SLC4A4: variants seen among roughly 807,000 people sequenced by gnomAD.
SLC4A4 encodes electrogenic sodium bicarbonate cotransporter 1.
Under a neutral mutation model 111.5 loss-of-function variants are expected in SLC4A4, and 27 were observed. The observed-to-expected ratio is 0.24, with a 90% CI of 0.18 to 0.33. The LOEUF (loss-of-function observed/expected upper bound fraction) is 0.33, where lower values mean the gene tolerates loss of function less well. SLC4A4 is among the 10% of genes least tolerant of loss of function. SLC4A4 has a pLI of 1.00. For missense variants in SLC4A4, 909 were observed against 1,315.5 expected, an observed-to-expected ratio of 0.69 and a Z score of 4.78; for synonymous variants, 443 against 463.4, an observed-to-expected ratio of 0.96 and a Z score of 0.57.
chr4:71,446,225 A>G (rs1377021787), intron 8 of SLC4A4, among the ~76,000 whole-genome samples: 2 of 152,174 alleles, frequency 1.3e-5, no homozygotes, highest in Non-Finnish European at 2.9e-5. Flanking sequence ...TTTGGAACAG[A>G]CCCAAACATT....
intron 18 of SLC4A4, among the ~76,000 whole-genome samples, chr4:71,535,805 G>A (rs146461744): frequency 1.2e-3 from 189 of 152,082 alleles, no homozygotes; most frequent in African/African-American, 4.1e-3. Context: ...AGTTCATAAA[G>A]CACGAAAACA....
chr4:71,225,221 G>A lies in SLC4A4; in HGVS notation c.-1-11355G>A, dbSNP rs755203279. Among the ~76,000 whole-genome samples, 5 of 151,978 alleles carry A rather than the reference G, an allele frequency of 3.3e-5. No homozygotes were observed. In the South Asian group the frequency reaches 6.2e-4, roughly 19 times the overall value. ...ACACAAGTTAGCTGGGCATGGTGGC[G>A]CATGCCTGTAATCCCAGCTACTTGG... On this transcript the variant is annotated intron_variant, in intron 1 of 25. Transcript: ENST00000264485.
chr4:71,167,332 C>T (rs1260778054), intron 2 of SLC4A4, among the ~76,000 whole-genome samples: 5 of 152,206 alleles, frequency 3.3e-5, no homozygotes, highest in Admixed American at 3.3e-4. Context: ...CCAAGCATGG[C>T]TATTCTGGCA....
chr4:71,526,027 G>A (rs1733386572), intron 16 of SLC4A4, among the ~76,000 whole-genome samples: 1 of 152,008 alleles, frequency 6.6e-6, no homozygotes, highest in African/African-American at 2.4e-5. Context: ...AGTAGACTAT[G>A]TACTCATTGC....
rs79443245 is a variant in SLC4A4 at position 71,341,238 on chromosome 4, A to G, written c.389+1733A>G. ...GTGAGCAAATGAGGATCTTACATAG[A>G]TCTCTATCTTATTAAAAGGTTTGAA... On this transcript the variant is annotated intron_variant, in intron 4 of 25. Coordinates refer to ENST00000264485, the MANE Select transcript of SLC4A4 (RefSeq NM_001098484.3). Among the ~76,000 whole-genome samples the G allele has an allele frequency of 1.2e-4, 19 of 152,294 alleles. No individual in the cohort carries two copies. The East Asian group carries it at 3.7e-3, about 29-fold the overall frequency.
At chr4:71,418,472 A>G (rs1440842858) in intron 7 of SLC4A4, among the ~76,000 whole-genome samples, 1 of 152,218 alleles carries the variant, frequency 6.6e-6, no homozygotes, top group African/African-American at 2.4e-5. Flanking sequence ...TCTCTGCATC[A>G]TAACTATTAA....
At chr4:71,371,197 A>G (rs919984683) in intron 6 of SLC4A4, among the ~76,000 whole-genome samples, 1 of 150,024 alleles carries the variant, frequency 6.7e-6, no homozygotes, top group African/African-American at 2.5e-5. Context: ...ATCATGGAAA[A>G]TCCTACCTCC....
intron 16 of SLC4A4, among the ~76,000 whole-genome samples, chr4:71,511,376 T>A (rs958158496): frequency 1.3e-5 from 2 of 152,140 alleles, no homozygotes; most frequent in Non-Finnish European, 2.9e-5. Flanking sequence ...TAGATGGTAT[T>A]CTTTTTTGGC....
chr4:71,487,070 C>T, intron 15 of SLC4A4, 52 bp downstream of exon 15: 1 of 1,057,832 alleles, frequency 9.5e-7, no homozygotes, highest in Non-Finnish European at 1.5e-6. Flanking sequence ...ATATTGTATA[C>T]TTGTTTATAA....
chr4:71,188,561 CT>C (rs1481692427), intron 1 of SLC4A4, among the ~76,000 whole-genome samples: 1 of 152,094 alleles, frequency 6.6e-6, no homozygotes, highest in Non-Finnish European at 1.5e-5. Flanking sequence ...CTGTGTTGTA[CT>C]GTATTTCTCT....
chr4:71,443,455 C>T (rs1724955478), intron 8 of SLC4A4, among the ~76,000 whole-genome samples: 1 of 151,786 alleles, frequency 6.6e-6, no homozygotes, highest in Non-Finnish European at 1.5e-5. Flanking sequence ...CAGCCTCATT[C>T]ATATTTTTGA....
intron 6 of SLC4A4, among the ~76,000 whole-genome samples, chr4:71,373,853 CTGACTGAATGT>C (rs1354953141): frequency 6.6e-6 from 1 of 152,076 alleles, no homozygotes; most frequent in African/African-American, 2.4e-5. Context: ...GACTCAATAA[CTGACTGAATGT>C]TAGGGGAGGA....
chr4:71,469,029 A>G (rs1727635369), intron 13 of SLC4A4, among the ~76,000 whole-genome samples: 1 of 152,036 alleles, frequency 6.6e-6, no homozygotes, highest in African/African-American at 2.4e-5. Flanking sequence ...AGGAATATGA[A>G]TGATATGCTG....
At chr4:71,345,606 T>C (rs1729258293) in intron 4 of SLC4A4, among the ~76,000 whole-genome samples, 1 of 152,056 alleles carries the variant, frequency 6.6e-6, no homozygotes, top group Admixed American at 6.6e-5. Context: ...TGTTTCTGCT[T>C]GGCAGATTTA....
At chr4:71,405,070 C>A (rs1373692729) in intron 7 of SLC4A4, among the ~76,000 whole-genome samples, 1 of 151,968 alleles carries the variant, frequency 6.6e-6, no homozygotes, top group Non-Finnish European at 1.5e-5. Context: ...CCTGTCTTGA[C>A]CTTCCAAAGT....
At chr4:71,086,624 A>C (rs1283263992) in intron 1 of SLC4A4, among the ~76,000 whole-genome samples, 8 of 152,002 alleles carry the variant, frequency 5.3e-5, no homozygotes, top group Admixed American at 3.3e-4. Flanking sequence ...AGGGTTGTTG[A>C]ATTTTGTCAA....
intron 7 of SLC4A4, among the ~76,000 whole-genome samples, chr4:71,432,866 G>A (rs963947729): frequency 1.3e-5 from 2 of 152,110 alleles, no homozygotes; most frequent in African/African-American, 2.4e-5. Flanking sequence ...TGGGGAAATG[G>A]GGTCATGCCT....
intron 16 of SLC4A4, among the ~76,000 whole-genome samples, chr4:71,501,245 A>G (rs1389163832): frequency 6.6e-6 from 1 of 151,554 alleles, no homozygotes; most frequent in Non-Finnish European, 1.5e-5. Context: ...TTTTTTTTTC[A>G]GATAGGTTGT....
chr4:71,311,016 C>CA (rs1459512215), intron 3 of SLC4A4, among the ~76,000 whole-genome samples: 1 of 151,796 alleles, frequency 6.6e-6, no homozygotes. Context: ...AAAAAACAAA[C>CA]AAACAACAAA....
Sources: allele counts gnomAD v4.1 joint callset (sites outside exome capture counted in the v4.1 genomes callset), GRCh38; gene constraint gnomAD v4.1.1; transcripts MANE v1.5; gene names NCBI Gene and HGNC (gene_info 2026-07-23, HGNC 2026-07-21).